RGS22: variants seen among roughly 807,000 people sequenced by gnomAD.
The protein encoded by RGS22 is regulator of G protein signaling 22.
In RGS22, 148 loss-of-function variants were observed where a neutral mutation model predicts 172.9. That is an observed-to-expected ratio of 0.86 (90% CI 0.75 to 0.98). RGS22 has a LOEUF of 0.98. Ranked by LOEUF, RGS22 falls within the 50% of genes least tolerant of loss-of-function variation. The probability of loss-of-function intolerance (pLI) is 0.00; values close to 1 mark genes in which losing one functional copy is unlikely to be tolerated. For missense variants in RGS22, 1,347 were observed against 1,440.8 expected (o/e 0.93, Z 1.05); for synonymous variants, 458 against 480.2 (o/e 0.95, Z 0.60).
At chr8:100,093,336 T>C (rs1416471562) in intron 3 of RGS22, 111 bp downstream of exon 3, 4 of 631,406 alleles carry the variant, frequency 6.3e-6, no homozygotes, top group South Asian at 2.1e-5. Flanking sequence ...AATGCTTTAA[T>C]ATTTTTTTAA....
At chr8:100,005,985 A>C (rs759829072) in intron 16 of RGS22, 32 bp downstream of exon 16, 1 of 1,554,808 alleles carries the variant, frequency 6.4e-7, no homozygotes, top group Admixed American at 1.7e-5. Context: ...CAGGATAAAA[A>C]GTTTGTTTTT....
intron 22 of RGS22, among the ~76,000 whole-genome samples, chr8:99,981,111 C>T (rs1314297803): frequency 6.6e-6 from 1 of 152,122 alleles, no homozygotes; most frequent in African/African-American, 2.4e-5. Flanking sequence ...ATGACATGGC[C>T]TTCCCTATTA....
intron 14 of RGS22, among the ~76,000 whole-genome samples, chr8:100,028,805 C>G (rs80025362): frequency 6.6e-6 from 1 of 152,298 alleles, no homozygotes; most frequent in African/African-American, 2.4e-5. Context: ...CAGGCCCCCA[C>G]GAAAACAGTA....
At chr8:100,100,455 AATTTTTGT>A (rs1813385681) in intron 2 of RGS22, among the ~76,000 whole-genome samples, 1 of 152,118 alleles carries the variant, frequency 6.6e-6, no homozygotes, top group African/African-American at 2.4e-5. Flanking sequence ...ACGTCCAGCT[AATTTTTGT>A]ATTTTTGGTA....
chr8:99,981,231 A>C (rs995127126), intron 22 of RGS22, among the ~76,000 whole-genome samples: 2 of 152,196 alleles, frequency 1.3e-5, no homozygotes, highest in African/African-American at 2.4e-5. Flanking sequence ...TCTATTATTT[A>C]TCTTAAAAAG....
chr8:99,976,892 C>G (rs1450530794), intron 23 of RGS22, among the ~76,000 whole-genome samples: 1 of 152,048 alleles, frequency 6.6e-6, no homozygotes, highest in Non-Finnish European at 1.5e-5. Flanking sequence ...CTTTCCGTGT[C>G]TTTTACATTT....
chr8:100,033,873 A>G (rs976026140), intron 14 of RGS22, among the ~76,000 whole-genome samples: 1 of 152,232 alleles, frequency 6.6e-6, no homozygotes, highest in African/African-American at 2.4e-5. Context: ...CCAGATGATT[A>G]TCTCAATAGA....
At chr8:100,077,868 T>C (rs1289868230) in intron 4 of RGS22, among the ~76,000 whole-genome samples, 3 of 152,204 alleles carry the variant, frequency 2.0e-5, no homozygotes, top group Admixed American at 1.3e-4. Flanking sequence ...TTCATTTCTA[T>C]CAGCTTTTGC....
chr8:99,962,560 G>A (rs936342890), intron 26 of RGS22, 117 bp from the exon 27 acceptor site: 23 of 1,393,014 alleles, frequency 1.7e-5, no homozygotes, highest in Non-Finnish European at 2.2e-5. Flanking sequence ...CTAAGTTGGG[G>A]GGCAGAATAG....
At chr8:99,991,811 T>G (rs552813856) in intron 20 of RGS22, among the ~76,000 whole-genome samples, 1 of 152,090 alleles carries the variant, frequency 6.6e-6, no homozygotes, top group South Asian at 2.1e-4. Context: ...CAAGATATAA[T>G]TGTCAGATTC....
intron 9 of RGS22, among the ~76,000 whole-genome samples, chr8:100,053,317 G>A (rs564678077): frequency 1.4e-4 from 22 of 152,128 alleles, no homozygotes; most frequent in Non-Finnish European, 2.1e-4. Context: ...AGCTACTCAG[G>A]GGGGTGAGGC....
intron 23 of RGS22, among the ~76,000 whole-genome samples, chr8:99,967,588 C>A (rs1482677878): frequency 6.6e-6 from 1 of 152,174 alleles, no homozygotes; most frequent in Non-Finnish European, 1.5e-5. Flanking sequence ...AGGCAGTTCT[C>A]CCCTCACAGT....
In RGS22 at chr8:100,052,965, A is replaced by G. The variant is rs770035197; in HGVS notation, c.1526T>C (p.Phe509Ser). 6.2e-7 allele frequency: 1 copy of G among 1,613,600 alleles called. No homozygotes were observed. The highest frequency in any genetic ancestry group is 1.3e-5 in the African/African-American group (1 of 74,872). ...KPLLLYWAPRFCVTHSASTKY... is the reference protein window; with the variant it reads ...KPLLLYWAPRSCVTHSASTKY... ...TGTTGAGGCTGAATGAGTAACACAG[A>G]ATCTTGGTGCCCTGTTTATTGGAAA... is the stretch of plus-strand genomic sequence containing the variant. Residue 509 changes from phenylalanine (F) to serine (S), a missense_variant, in exon 10 of 28, where the codon TTC (phenylalanine) becomes TCC (serine). Coordinates refer to ENST00000360863, the MANE Select transcript of RGS22 (RefSeq NM_015668.5).
intron 9 of RGS22, among the ~76,000 whole-genome samples, chr8:100,060,770 T>C (rs1235568409): frequency 1.3e-5 from 2 of 152,142 alleles, no homozygotes; most frequent in African/African-American, 2.4e-5. Flanking sequence ...TTCAATGCTA[T>C]TCCTATTAGA....
At position 100,093,460 on chromosome 8, in the gene RGS22, A is replaced by T; in HGVS notation, c.104T>A (p.Phe35Tyr). 6.3e-7 allele frequency: 1 copy of T among 1,588,762 alleles called. No individual in the cohort carries two copies. Among genetic ancestry groups the T allele is most frequent in the Non-Finnish European group, 8.6e-7 (1 of 1,163,272 alleles). The change falls in exon 3 of 28, where the codon TTC becomes TAC. Residue 35 changes from phenylalanine to tyrosine, a missense_variant. Phe to Tyr is a conservative substitution (Grantham distance 22). Transcript: ENST00000360863. Reference protein sequence around the residue: ...DDFLVDYFNEFLSLPTFSEAI... With the variant: ...DDFLVDYFNEYLSLPTFSEAI... Reference sequence around the variant, plus strand: ...TAATAAACTCACTGGAAGGCTTAGGAATTCATTAAAGTAGTCTACAAGGAA... The same window carrying T: ...TAATAAACTCACTGGAAGGCTTAGGTATTCATTAAAGTAGTCTACAAGGAA...
chr8:100,027,485 T>A (rs902088721), intron 14 of RGS22, among the ~76,000 whole-genome samples: 1 of 152,120 alleles, frequency 6.6e-6, no homozygotes, highest in African/African-American at 2.4e-5. Context: ...TTTCATTTTA[T>A]TTATTTATTT....
rs762545430 is a variant in RGS22 at position 100,041,813 on chromosome 8, C to T, written c.1927G>A (p.Glu643Lys). Residue 643 changes from glutamate to lysine, a missense_variant, in exon 12 of 28, where the codon GAA becomes AAA. Coordinates refer to ENST00000360863, the MANE Select transcript of RGS22 (RefSeq NM_015668.5). ...PQLDRRYAYTEEPRVKTVSDV... is the reference protein window; with the variant it reads ...PQLDRRYAYTKEPRVKTVSDV... ...CTCAAAACACTCACCCTAGGTTCTT[C>T]TGTATAAGCGTATCTTCTATCCAGC... is the stretch of plus-strand genomic sequence containing the variant. The T allele has an allele frequency of 1.2e-5, 19 of 1,599,516 alleles. No individual in the cohort carries two copies. Among genetic ancestry groups the T allele is most frequent in the Non-Finnish European group, 1.7e-6 (2 of 1,167,436 alleles).
intron 23 of RGS22, among the ~76,000 whole-genome samples, chr8:99,972,286 C>T (rs1030977456): frequency 1.3e-5 from 2 of 151,988 alleles, no homozygotes; most frequent in Non-Finnish European, 2.9e-5. Context: ...AAACCTAAAA[C>T]AATTAAAAAC....
At chr8:100,016,964 G>T in intron 14 of RGS22, among the ~76,000 whole-genome samples, 1 of 111,500 alleles carries the variant, frequency 9.0e-6, no homozygotes, top group Admixed American at 1.1e-4. Flanking sequence ...CTACATCCCT[G>T]ATTCCTTACC....
Sources: gnomAD v4.1 joint callset for allele counts (sites outside exome capture counted in the v4.1 genomes callset) on GRCh38, gnomAD v4.1.1 for gene constraint, MANE v1.5 for transcripts, NCBI Gene and HGNC (gene_info 2026-07-23, HGNC 2026-07-21) for gene names.